The following NRDC variants were observed in gnomAD, a reference collection of about 807,000 sequenced individuals.
The protein encoded by NRDC is nardilysin.
Under a neutral mutation model 147.1 loss-of-function variants are expected in NRDC, and 54 were observed. That is an observed-to-expected ratio of 0.37 (90% CI 0.29 to 0.46). The LOEUF (loss-of-function observed/expected upper bound fraction) is 0.46, where lower values mean the gene tolerates loss of function less well. Among genes scored for constraint, NRDC ranks in the 20% least tolerant of loss-of-function variants. The pLI is 1.00. For missense variants in NRDC, 1,082 were observed against 1,370.6 expected, an observed-to-expected ratio of 0.79 and a Z score of 3.33; for synonymous variants, 440 against 482.1, an observed-to-expected ratio of 0.91 and a Z score of 1.14.
At chr1:51,847,243 T>C (rs1681683573) in intron 1 of NRDC, among the ~76,000 whole-genome samples, 1 of 152,194 alleles carries the variant, frequency 6.6e-6, no homozygotes, top group Non-Finnish European at 1.5e-5. Context: ...CTGACTGGTG[T>C]ATCCACAATC....
intron 9 of NRDC, among the ~76,000 whole-genome samples, chr1:51,818,636 G>A (rs183211661): frequency 5.9e-4 from 90 of 152,338 alleles, no homozygotes; most frequent in Non-Finnish European, 5.9e-5. Context: ...TAAAAAGTAA[G>A]TTGTCTCTGG....
rs150079258 is a variant in NRDC, at chr1:51,791,648, G to T, written c.2890C>A (p.Pro964Thr). 1.2e-6 allele frequency: 2 copies of T among 1,613,468 alleles called. No individual in the cohort carries two copies. Among genetic ancestry groups the T allele is most frequent in the African/African-American group, 1.3e-5 (1 of 74,876 alleles). The change falls in exon 27 of 31, where the codon CCT (proline) becomes ACT (threonine). Residue 964 changes from proline to threonine, a missense_variant. Around this residue, in one of 3 missense-constraint regions of NRDC, gnomAD observed 635 missense variants for 923.8 expected, o/e 0.69. Coordinates refer to ENST00000352171, the MANE Select transcript of NRDC (RefSeq NM_001101662.2). ...ATCCCGGATGTGTTCCTACAGGTAG[G>T]GTAGACATGGTACCTACAAGCCAGA... ...TKQTLGYHVY[P>T]TCRNTSGILG...
At position 51,816,371 on chromosome 1, in the gene NRDC, A is replaced by G. The variant is rs1679966289; in HGVS notation, c.1380T>C (p.Tyr460=). Residue 460 remains tyrosine (Y), a synonymous_variant, in exon 11 of 31, where the codon TAT becomes TAC. Transcript: ENST00000352171. ...CTTCATGTCCAACCAGCCAGGATAT[A>G]TAATGAAGTGGCTTCACCCTTTTAA... ...QQHYRVKPLH[Y]ISWLVGHEGK... is the part of the protein sequence containing the mutation. The G allele has an allele frequency of 6.2e-7, 1 of 1,600,602 alleles. No individual in the cohort carries two copies. Among genetic ancestry groups the G allele is most frequent in the South Asian group, 1.1e-5 (1 of 88,620 alleles).
intron 1 of NRDC, among the ~76,000 whole-genome samples, chr1:51,873,367 T>C (rs1291596369): frequency 1.3e-5 from 2 of 152,178 alleles, no homozygotes; most frequent in Non-Finnish European, 2.9e-5. Context: ...TCACTGGAAT[T>C]GTGATCCTCC....
rs1318508812 is a variant in NRDC at position 51,805,620 on chromosome 1, TG to T, written c.2111-60del. 15 of 1,026,770 alleles carry T rather than the reference TG, an allele frequency of 1.5e-5. No homozygotes were observed. The African/African-American group carries it at 2.5e-4, about 17-fold the overall frequency. 63.6% of individuals were successfully genotyped at this position (1,026,770 alleles called of 1,614,324 possible). A position where few individuals can be genotyped will look rare whatever the true frequency, so the allele number is the denominator to read the frequency against. Reference sequence around the variant, plus strand: ...AGGGGCCTCAGATATTTTATACATCTGTTATTTTCCCCTAATATATATATTT... The same window carrying T: ...AGGGGCCTCAGATATTTTATACATCTTTATTTTCCCCTAATATATATATTT... On this transcript the variant is annotated intron_variant, in intron 18 of 30. Coordinates refer to ENST00000352171, the MANE Select transcript of NRDC (RefSeq NM_001101662.2).
At position 51,803,806 on chromosome 1, in the gene NRDC, G is replaced by A. The variant is rs376749087; in HGVS notation, c.2313+8C>T. Reference sequence around the variant, plus strand: ...TCTCTATAAGGAAAACAGAGTACTTGTACTTACAGGTAGTTTGTGGTTAAA... The same window carrying A: ...TCTCTATAAGGAAAACAGAGTACTTATACTTACAGGTAGTTTGTGGTTAAA... On this transcript the variant is annotated splice_region_variant and intron_variant, in intron 20 of 30. Transcript: ENST00000352171. 1.9e-6 allele frequency: 3 copies of A among 1,609,166 alleles called. No homozygotes were observed. The African/African-American group carries it at 4.0e-5, about 22-fold the overall frequency.
chr1:51,840,135 A>G, intron 2 of NRDC, 91 bp downstream of exon 2: 1 of 997,934 alleles, frequency 1.0e-6, no homozygotes, highest in Non-Finnish European at 1.5e-6. Flanking sequence ...AGATAACTAT[A>G]TACTTCCTTT....
Position 51,790,912 on chromosome 1 carries a change from T to C in NRDC, c.3039A>G (p.Ala1013=), listed in dbSNP as rs756097101. 2.5e-6 allele frequency: 4 copies of C among 1,613,508 alleles called. No individual in the cohort carries two copies. The highest frequency in any genetic ancestry group is 2.5e-6 in the Non-Finnish European group (3 of 1,179,534). The change falls in exon 28 of 31, where the codon GCA becomes GCG. Residue 1013 remains alanine (A), a synonymous_variant. Coordinates refer to ENST00000352171, the MANE Select transcript of NRDC (RefSeq NM_001101662.2). ...EEKIENLTEE[A]FNTQVTALIK... ...CTGGCACAGTCACCTGGGTGTTGAA[T>C]GCCTCTTCAGTGAGGTTCTCAATCT...
chr1:51,865,887 T>C (rs1230820636), intron 1 of NRDC, among the ~76,000 whole-genome samples: 3 of 146,608 alleles, frequency 2.0e-5, no homozygotes, highest in Non-Finnish European at 3.0e-5. Flanking sequence ...CCATCTCTAC[T>C]AAATATACAA....
Position 51,794,628 on chromosome 1 carries a change from TGG to T in NRDC, c.2637-20_2637-19del. On this transcript the variant is annotated intron_variant, in intron 23 of 30. Transcript: ENST00000352171. ...TTAGTTTGCTGCAAGAGAATCAGTA[TGG>T]GTCACTGAGGCACCCAAAAACTATA... The T allele has an allele frequency of 1.2e-6, 2 of 1,613,196 alleles. No homozygotes were observed. Among genetic ancestry groups the T allele is most frequent in the Non-Finnish European group, 1.7e-6 (2 of 1,179,170 alleles).
chr1:51,845,990 G>C (rs1477864169), intron 1 of NRDC, among the ~76,000 whole-genome samples: 1 of 152,058 alleles, frequency 6.6e-6, no homozygotes, highest in Non-Finnish European at 1.5e-5. Context: ...TGTACAACAT[G>C]TATCCATTAA....
chr1:51,867,053 T>C (rs1283213150), intron 1 of NRDC, among the ~76,000 whole-genome samples: 1 of 152,088 alleles, frequency 6.6e-6, no homozygotes, highest in African/African-American at 2.4e-5. Context: ...TAGCTTACTG[T>C]AACCTCAAAC....
At chr1:51,815,185 T>TC (rs1428850644) in intron 11 of NRDC, among the ~76,000 whole-genome samples, 1 of 123,848 alleles carries the variant, frequency 8.1e-6, no homozygotes, top group Non-Finnish European at 1.8e-5. Flanking sequence ...TTTTTTTCTT[T>TC]TTTTTTTTTT....
intron 1 of NRDC, among the ~76,000 whole-genome samples, chr1:51,864,578 T>G (rs574095939): frequency 6.6e-6 from 1 of 152,178 alleles, no homozygotes; most frequent in Non-Finnish European, 1.5e-5. Flanking sequence ...CAGAAAATAT[T>G]TGGTGATCTC....
chr1:51,855,358 G>A (rs765820101), intron 1 of NRDC, among the ~76,000 whole-genome samples: 10 of 151,908 alleles, frequency 6.6e-5, no homozygotes, highest in African/African-American at 1.9e-4. Context: ...TGTGCCAGGC[G>A]AGCAGACCCA....
At chr1:51,855,288 C>A (rs1230819002) in intron 1 of NRDC, among the ~76,000 whole-genome samples, 1 of 152,110 alleles carries the variant, frequency 6.6e-6, no homozygotes, top group Admixed American at 6.5e-5. Flanking sequence ...TGCGTAGCAT[C>A]CTGAAAATAA....
chr1:51,837,543 A>C (rs1303013081), intron 2 of NRDC: 1 of 1,594,038 alleles, frequency 6.3e-7, no homozygotes, highest in Middle Eastern at 1.7e-4. Flanking sequence ...GCAGGGTTGA[A>C]GACATTTTTG....
chr1:51,821,204 T>G (rs1680194557), intron 8 of NRDC, among the ~76,000 whole-genome samples: 1 of 152,164 alleles, frequency 6.6e-6, no homozygotes, highest in African/African-American at 2.4e-5. Context: ...ATATAGTATT[T>G]TCTTTCGTAT....
chr1:51,842,566 A>G (rs1681324104), intron 1 of NRDC, among the ~76,000 whole-genome samples: 1 of 152,256 alleles, frequency 6.6e-6, no homozygotes, highest in African/African-American at 2.4e-5. Context: ...TCACAGTGGA[A>G]TATTGTAACA....
Sources: allele counts gnomAD v4.1 joint callset (sites outside exome capture counted in the v4.1 genomes callset), GRCh38; gene constraint gnomAD v4.1.1; regional missense constraint gnomAD v4.1.1; transcripts MANE v1.5; gene names NCBI Gene and HGNC (gene_info 2026-07-23, HGNC 2026-07-21).